Variants in GRXCR1 observed in about 807,000 individuals in gnomAD.
GRXCR1 encodes glutaredoxin domain-containing cysteine-rich protein 1.
GRXCR1 carries 27 observed loss-of-function variants against 27.3 expected under a neutral mutation model. The observed-to-expected ratio is 0.99, with a 90% confidence interval of 0.73 to 1.37. The LOEUF (loss-of-function observed/expected upper bound fraction) is 1.37, where lower values mean the gene tolerates loss of function less well. GRXCR1 is among the 40% of genes most tolerant of loss of function. GRXCR1 has a pLI of 0.00. For missense variants in GRXCR1, 379 were observed against 354.4 expected, an observed-to-expected ratio of 1.07 and a Z score of -0.56; for synonymous variants, 122 against 131.1, an observed-to-expected ratio of 0.93 and a Z score of 0.47.
At position 43,005,171 on chromosome 4, in the gene GRXCR1, A is replaced by T. The variant is rs575098877; in HGVS notation, c.628-15183A>T. On this transcript the variant is annotated intron_variant, in intron 2 of 3. Coordinates refer to ENST00000399770, the MANE Select transcript of GRXCR1 (RefSeq NM_001080476.3). ...CCCTCACTCTCTTTTTCCTGACACCATGTGAAGAAGGTCCTTGCTTCCCCT... is the reference window on the plus strand; with the variant it reads ...CCCTCACTCTCTTTTTCCTGACACCTTGTGAAGAAGGTCCTTGCTTCCCCT... Among the ~76,000 whole-genome samples the T allele has an allele frequency of 3.3e-5, 5 of 152,274 alleles. No homozygotes were observed. In the South Asian group the frequency reaches 1.0e-3, roughly 32 times the overall value.
intron 2 of GRXCR1, among the ~76,000 whole-genome samples, chr4:42,981,463 A>C (rs1483666453): frequency 6.6e-6 from 1 of 152,228 alleles, no homozygotes; most frequent in Non-Finnish European, 1.5e-5. Flanking sequence ...TATGAAAGAT[A>C]TAAGTGATGT....
chr4:43,024,197 C>CTTT (rs60704333), intron 3 of GRXCR1, among the ~76,000 whole-genome samples: 17 of 94,246 alleles, frequency 1.8e-4, no homozygotes, highest in African/African-American at 6.2e-4. Context: ...ATTTTCTGTC[C>CTTT]TTTTTTTTTT....
chr4:43,003,769 A>C (rs1435519696), intron 2 of GRXCR1, among the ~76,000 whole-genome samples: 9 of 152,216 alleles, frequency 5.9e-5, no homozygotes, highest in Non-Finnish European at 1.0e-4. Flanking sequence ...ACAGCATACA[A>C]TCACATGCAT....
At chr4:42,960,513 C>A (rs1748107008) in intron 1 of GRXCR1, among the ~76,000 whole-genome samples, 1 of 151,788 alleles carries the variant, frequency 6.6e-6, no homozygotes, top group East Asian at 1.9e-4. Flanking sequence ...TCCTTTATGT[C>A]ATCAATTACA....
chr4:42,973,193 T>C (rs1560670394), intron 2 of GRXCR1, among the ~76,000 whole-genome samples: 3 of 152,148 alleles, frequency 2.0e-5, no homozygotes, highest in African/African-American at 4.8e-5. Context: ...CCTCCAGTTG[T>C]TTTTTCTTTC....
intron 3 of GRXCR1, among the ~76,000 whole-genome samples, chr4:43,024,757 C>T (rs1343589250): frequency 2.6e-5 from 4 of 152,034 alleles, no homozygotes. Flanking sequence ...GTTTAGTAGG[C>T]ATTTAAGAGT....
At chr4:42,975,356 A>C (rs542600239) in intron 2 of GRXCR1, among the ~76,000 whole-genome samples, 1 of 152,164 alleles carries the variant, frequency 6.6e-6, no homozygotes, top group African/African-American at 2.4e-5. Flanking sequence ...TGAGTTTGTC[A>C]TCAGATATTG....
chr4:42,993,762 G>T (rs1272212357), intron 2 of GRXCR1, among the ~76,000 whole-genome samples: 1 of 152,034 alleles, frequency 6.6e-6, no homozygotes, highest in South Asian at 2.1e-4. Flanking sequence ...TCAAAAAATT[G>T]TAAGTTGAAC....
intron 1 of GRXCR1, among the ~76,000 whole-genome samples, chr4:42,935,982 G>A (rs918252443): frequency 6.6e-6 from 1 of 151,584 alleles, no homozygotes; most frequent in Non-Finnish European, 1.5e-5. Flanking sequence ...CTACTTTTTT[G>A]TTTTTGTGAA....
At chr4:43,007,962 C>G (rs189109544) in intron 2 of GRXCR1, among the ~76,000 whole-genome samples, 1 of 152,226 alleles carries the variant, frequency 6.6e-6, no homozygotes, top group Admixed American at 6.5e-5. Flanking sequence ...CCAAGGCTCT[C>G]TTTATCTTAA....
intron 1 of GRXCR1, among the ~76,000 whole-genome samples, chr4:42,941,022 A>G (rs1192000891): frequency 6.6e-6 from 1 of 152,038 alleles, no homozygotes; most frequent in Non-Finnish European, 1.5e-5. Context: ...GGTGTAGAAT[A>G]ATATATATTC....
At chr4:42,931,478 C>G (rs954257189) in intron 1 of GRXCR1, among the ~76,000 whole-genome samples, 4 of 151,834 alleles carry the variant, frequency 2.6e-5, no homozygotes, top group Non-Finnish European at 4.4e-5. Flanking sequence ...AAAATGTAAC[C>G]TTGTGATAGT....
chr4:42,893,606 A>G lies in GRXCR1; in HGVS notation c.340A>G (p.Ser114Gly), dbSNP rs758741792. ...GTVRGVKYKV[S>G]AGQALFNNLT... The stretch of plus-strand genomic sequence containing the variant: ...AGTCAGAGGCGTCAAATACAAAGTG[A>G]GTGCTGGCCAGGCTCTATTTAACAA... The change falls in exon 1 of 4, where the codon AGT (serine) becomes GGT (glycine). Residue 114 changes from serine (S) to glycine (G), a missense_variant. Ser to Gly is a moderately conservative substitution (Grantham distance 56). Transcript: ENST00000399770. 2 of 1,613,658 alleles carry G rather than the reference A, an allele frequency of 1.2e-6. No homozygotes were observed. The highest frequency in any genetic ancestry group is 1.7e-6 in the Non-Finnish European group (2 of 1,179,728).
intron 1 of GRXCR1, among the ~76,000 whole-genome samples, chr4:42,922,617 TAG>T (rs1747041349): frequency 6.6e-6 from 1 of 152,078 alleles, no homozygotes; most frequent in African/African-American, 2.4e-5. Context: ...TGAAGTCCTC[TAG>T]AGAGTAGGTT....
intron 2 of GRXCR1, among the ~76,000 whole-genome samples, chr4:42,983,907 C>G (rs957258084): frequency 2.0e-5 from 3 of 147,994 alleles, no homozygotes; most frequent in Non-Finnish European, 4.5e-5. Context: ...GTGATCTCGG[C>G]TCACTGGAAC....
chr4:42,923,013 A>G (rs1747055688), intron 1 of GRXCR1, among the ~76,000 whole-genome samples: 1 of 152,108 alleles, frequency 6.6e-6, no homozygotes, highest in Admixed American at 6.5e-5. Flanking sequence ...AGATCTGCAC[A>G]ATAATTGCAT....
At chr4:42,894,025 T>G (rs1403835627) in intron 1 of GRXCR1, among the ~76,000 whole-genome samples, 1 of 152,170 alleles carries the variant, frequency 6.6e-6, no homozygotes, top group Non-Finnish European at 1.5e-5. Context: ...AGTGTAGCAT[T>G]TATCATTACT....
intron 2 of GRXCR1, among the ~76,000 whole-genome samples, chr4:42,983,945 C>T (rs1711583363): frequency 6.6e-6 from 1 of 151,582 alleles, no homozygotes; most frequent in Admixed American, 6.6e-5. Flanking sequence ...AAGCAATTCT[C>T]CTGCCTCAGC....
intron 3 of GRXCR1, among the ~76,000 whole-genome samples, chr4:43,024,197 CTTTTT>C (rs60704333): frequency 3.2e-5 from 3 of 94,264 alleles, no homozygotes. Flanking sequence ...ATTTTCTGTC[CTTTTT>C]TTTTTTTTTT....
Sources: gnomAD v4.1 joint callset for allele counts (sites outside exome capture counted in the v4.1 genomes callset) on GRCh38, gnomAD v4.1.1 for gene constraint, MANE v1.5 for transcripts, NCBI Gene and HGNC (gene_info 2026-07-23, HGNC 2026-07-21) for gene names.